The following ZNF69 variants were observed in gnomAD, a reference collection of about 807,000 sequenced individuals.
ZNF69 encodes ZNF3.
A neutral mutation model predicts 50.9 loss-of-function variants in ZNF69; 47 were observed. That is an observed-to-expected ratio of 0.92 (90% confidence interval 0.73 to 1.18). ZNF69 has a LOEUF of 1.18. Among genes scored for constraint, ZNF69 ranks in the 50% most tolerant of loss-of-function variants. ZNF69 has a pLI of 0.00. For missense variants in ZNF69, 717 were observed against 675.1 expected, an observed-to-expected ratio of 1.06 and a Z score of -0.69; for synonymous variants, 216 against 223.1, an observed-to-expected ratio of 0.97 and a Z score of 0.29.
chr19:11,932,794 C>T, the ZNF69 span, among the ~76,000 whole-genome samples: 13 of 147,292 alleles, frequency 8.8e-5, no homozygotes, highest in Admixed American at 6.0e-4. Flanking sequence ...CCCGCCACCC[C>T]GTCCGGCTAA....
chr19:11,923,746 T>TTTTTTTTTTTTTTTTTTTTG, the ZNF69 span, among the ~76,000 whole-genome samples: 1 of 152,240 alleles, frequency 6.6e-6, no homozygotes, highest in South Asian at 2.1e-4. Flanking sequence ...GTGTCTTATT[T>TTTTTTTTTTTTTTTTTTTTG]ACACAATGGG....
chr19:11,937,668 T>G, the ZNF69 span, among the ~76,000 whole-genome samples: 1 of 151,680 alleles, frequency 6.6e-6, no homozygotes, highest in African/African-American at 2.4e-5. Context: ...TTTTGTATTT[T>G]TAGTAGAGAC....
At chr19:11,969,387 G>A in the ZNF69 span, among the ~76,000 whole-genome samples, 7 of 152,318 alleles carry the variant, frequency 4.6e-5, no homozygotes, top group Non-Finnish European at 8.8e-5. Context: ...TTACAGGTGG[G>A]AGTCACTGCA....
At chr19:11,889,423 C>T (rs1977027897) in intron 1 of ZNF69, among the ~76,000 whole-genome samples, 1 of 152,136 alleles carries the variant, frequency 6.6e-6, no homozygotes, top group Non-Finnish European at 1.5e-5. Context: ...TTGGGGGTTC[C>T]CTTGGCCAAG....
At chr19:11,956,455 A>G in the ZNF69 span, 1 of 397,262 alleles carries the variant, frequency 2.5e-6, no homozygotes, top group South Asian at 1.3e-4. Flanking sequence ...ACCGAGTTTG[A>G]GAGATTTTGC....
chr19:11,928,417 G>C, the ZNF69 span, among the ~76,000 whole-genome samples: 1 of 152,138 alleles, frequency 6.6e-6, no homozygotes, highest in African/African-American at 2.4e-5. Context: ...CAATCTGATA[G>C]CCATGAAATC....
chr19:11,934,509 TTC>T, the ZNF69 span, among the ~76,000 whole-genome samples: 1 of 148,094 alleles, frequency 6.8e-6, no homozygotes, highest in Non-Finnish European at 1.5e-5. Flanking sequence ...TTTCTTTTTT[TTC>T]TTTTTTTCTT....
At chr19:11,904,475 T>G (rs552565401) in intron 3 of ZNF69, among the ~76,000 whole-genome samples, 174 bp from the exon 4 acceptor site, 7 of 152,198 alleles carry the variant, frequency 4.6e-5, no homozygotes, top group African/African-American at 1.2e-4. Context: ...TAAATAATAG[T>G]TATGGCTGGG....
At chr19:11,937,733 C>G in the ZNF69 span, among the ~76,000 whole-genome samples, 1 of 152,024 alleles carries the variant, frequency 6.6e-6, no homozygotes, top group African/African-American at 2.4e-5. Flanking sequence ...CATGATCTGC[C>G]TGCCTCAGCC....
the ZNF69 span, chr19:11,925,053 G>A: frequency 0.016 from 11,061 of 713,364 alleles, 126 homozygotes; most frequent in South Asian, 0.023. Context: ...CCAATCAGAG[G>A]TGCTGGGGCG....
the ZNF69 span, among the ~76,000 whole-genome samples, chr19:11,974,134 C>CTTTCTTTCTTTCT: frequency 1.0e-5 from 1 of 98,094 alleles, no homozygotes; most frequent in African/African-American, 5.3e-5. Context: ...TCTTTTCTTT[C>CTTTCTTTCTTTCT]TTTCTTTCTT....
intron 3 of ZNF69, among the ~76,000 whole-genome samples, chr19:11,904,299 C>T (rs1026867448): frequency 1.2e-4 from 18 of 152,112 alleles, no homozygotes; most frequent in African/African-American, 4.3e-4. Context: ...GCAGGAGGAT[C>T]ACTTGAGCCA....
chr19:11,974,433 G>A, the ZNF69 span, among the ~76,000 whole-genome samples: 1 of 151,774 alleles, frequency 6.6e-6, no homozygotes, highest in Non-Finnish European at 1.5e-5. Flanking sequence ...CTGACCTCAG[G>A]TGATCCACCC....
At chr19:11,974,487 CCCCTGG>C in the ZNF69 span, among the ~76,000 whole-genome samples, 1 of 151,948 alleles carries the variant, frequency 6.6e-6, no homozygotes, top group Admixed American at 6.6e-5. Flanking sequence ...TGAGCCACTG[CCCCTGG>C]CCTGTTTTAA....
At chr19:11,900,599 G>A (rs576817751) in intron 1 of ZNF69, among the ~76,000 whole-genome samples, 22 of 152,226 alleles carry the variant, frequency 1.4e-4, no homozygotes, top group East Asian at 1.4e-3. Context: ...TGATCCACCC[G>A]TCTCTGCCTC....
At chr19:11,964,742 C>T in the ZNF69 span, among the ~76,000 whole-genome samples, 7 of 152,118 alleles carry the variant, frequency 4.6e-5, no homozygotes, top group African/African-American at 1.2e-4. Context: ...CCTGTGACCC[C>T]GTGCAGAACG....
At chr19:11,909,442 C>A (rs970442491), downstream of ZNF69, among the ~76,000 whole-genome samples, 1 of 152,144 alleles carries the variant, frequency 6.6e-6, no homozygotes. Flanking sequence ...AAACCAAATC[C>A]AGCAGCACAT....
At chr19:11,969,061 G>A in the ZNF69 span, among the ~76,000 whole-genome samples, 1 of 152,196 alleles carries the variant, frequency 6.6e-6, no homozygotes, top group African/African-American at 2.4e-5. Flanking sequence ...TCAAGATGAT[G>A]TAGAGATTCA....
the ZNF69 span, among the ~76,000 whole-genome samples, chr19:11,923,790 G>A: frequency 9.8e-3 from 1,498 of 152,326 alleles, 20 homozygotes; most frequent in African/African-American, 0.034. Context: ...ACTAATCGAT[G>A]GGGTGAGAAG....
Sources: allele counts gnomAD v4.1 joint callset (sites outside exome capture counted in the v4.1 genomes callset), GRCh38; gene constraint gnomAD v4.1.1; transcripts MANE v1.5; gene names NCBI Gene and HGNC (gene_info 2026-07-23, HGNC 2026-07-21).